Variants in PSMA3 observed in about 807,000 individuals in gnomAD.
PSMA3 encodes proteasome subunit alpha type-3.
In PSMA3, 8 loss-of-function variants were observed where a neutral mutation model predicts 40.0. That is an observed-to-expected ratio of 0.20 (90% confidence interval 0.12 to 0.36). PSMA3 has a LOEUF of 0.36. Among genes scored for constraint, PSMA3 ranks in the 10% least tolerant of loss-of-function variants. PSMA3 has a pLI of 1.00. For missense variants in PSMA3, 219 were observed against 310.6 expected, an observed-to-expected ratio of 0.70 and a Z score of 2.22; for synonymous variants, 110 against 100.0, an observed-to-expected ratio of 1.10 and a Z score of -0.59.
intron 8 of PSMA3, chr14:58,268,261 A>G (rs535730892): frequency 4.6e-5 from 7 of 152,328 alleles, no homozygotes; most frequent in African/African-American, 1.7e-4. Flanking sequence ...AGTTATGGAT[A>G]ATCGTAATTC....
rs547783553 is a variant in PSMA3, at chr14:58,267,938, A to G, written c.590+418A>G. On this transcript the variant is annotated intron_variant, in intron 8 of 10. Transcript: ENST00000216455. The stretch of plus-strand genomic sequence containing the variant: ...AGCTGGCTCATTTATATAATCTGCT[A>G]TTTATTTGGGAAAGATATGTTTCAC... The G allele has an allele frequency of 2.6e-5, 4 of 152,882 alleles. No individual in the cohort carries two copies. The East Asian group carries it at 7.7e-4, about 29-fold the overall frequency. 9.5% of individuals were successfully genotyped at this position (152,882 alleles called of 1,614,324 possible).
chr14:58,245,161 A>G (rs565656959), intron 1 of PSMA3: 3 of 586,054 alleles, frequency 5.1e-6, no homozygotes, highest in South Asian at 2.1e-5. Flanking sequence ...GCGCAGGTGT[A>G]GCCGGCTTGG....
At chr14:58,266,422 A>G (rs1302770751) in intron 7 of PSMA3, 1 of 152,212 alleles carries the variant, frequency 6.6e-6, no homozygotes, top group East Asian at 1.9e-4. Flanking sequence ...CAGTTTGCTC[A>G]AACATTGTTT....
intron 3 of PSMA3, among the ~76,000 whole-genome samples, chr14:58,256,656 C>T (rs1338210603): frequency 2.0e-5 from 3 of 151,212 alleles, no homozygotes; most frequent in Non-Finnish European, 2.9e-5. Context: ...TTGTGATCCA[C>T]CTGCCTCAGC....
At chr14:58,261,931 TTTTA>T (rs928133938) in intron 6 of PSMA3, among the ~76,000 whole-genome samples, 9 of 151,758 alleles carry the variant, frequency 5.9e-5, no homozygotes, top group Admixed American at 2.0e-4. Flanking sequence ...ATCCCTTTTA[TTTTA>T]TTTATTTATA....
chr14:58,246,872 T>C (rs770105967), intron 1 of PSMA3, among the ~76,000 whole-genome samples: 4 of 152,340 alleles, frequency 2.6e-5, no homozygotes, highest in Admixed American at 1.3e-4. Context: ...TTTAAAAATA[T>C]AGATGATACC....
chr14:58,265,499 C>T (rs1425497843), intron 7 of PSMA3: 2 of 152,144 alleles, frequency 1.3e-5, no homozygotes, highest in Non-Finnish European at 2.9e-5. Context: ...TACATTCAGT[C>T]CATGGCTGCT....
intron 8 of PSMA3, chr14:58,269,937 C>T (rs973771780): frequency 1.3e-5 from 2 of 153,602 alleles, no homozygotes; most frequent in Admixed American, 1.3e-4. Flanking sequence ...GCAACCCCTG[C>T]CTCCCGGGTT....
At chr14:58,267,554 T>TA (rs1363496432) in intron 8 of PSMA3, 34 bp downstream of exon 8, 1 of 1,556,536 alleles carries the variant, frequency 6.4e-7, no homozygotes, top group Non-Finnish European at 8.6e-7. Flanking sequence ...TCCACAAAAA[T>TA]ATTTCATTTG....
chr14:58,247,193 T>C (rs546351570), intron 1 of PSMA3, among the ~76,000 whole-genome samples: 1 of 152,350 alleles, frequency 6.6e-6, no homozygotes, highest in East Asian at 1.9e-4. Context: ...TCCCTGATGA[T>C]GTAGTCTGTA....
chr14:58,260,917 T>C, intron 5 of PSMA3, 31 bp from the exon 6 acceptor site: 1 of 1,477,974 alleles, frequency 6.8e-7, no homozygotes, highest in Non-Finnish European at 9.3e-7. Flanking sequence ...GTTATTGCCA[T>C]GGTTTAAGCT....
Position 58,263,865 on chromosome 14 carries a change from A to C in PSMA3, c.543+95A>C, listed in dbSNP as rs1018130970. The C allele has an allele frequency of 6.2e-6, 7 of 1,122,100 alleles. No individual in the cohort carries two copies. In the South Asian group the frequency reaches 9.1e-5, roughly 15 times the overall value. 69.5% of individuals were successfully genotyped at this position (1,122,100 alleles called of 1,614,324 possible). A position where few individuals can be genotyped will look rare whatever the true frequency, so the allele number is the denominator to read the frequency against. On this transcript the variant is annotated intron_variant, in intron 7 of 10. Transcript: ENST00000216455. ...TTTCAGTCTAAGGCAGGGATGTCCA[A>C]TCATTTGGCTTCCCTGGGCCACACA...
intron 6 of PSMA3, among the ~76,000 whole-genome samples, chr14:58,263,370 GTCTC>G (rs1043729756): frequency 2.0e-5 from 3 of 152,048 alleles, no homozygotes; most frequent in Non-Finnish European, 4.4e-5. Context: ...CTTTATTTCT[GTCTC>G]TCAGGAATAT....
intron 10 of PSMA3, 145 bp from the exon 11 acceptor site, chr14:58,271,706 G>A: frequency 3.1e-6 from 2 of 645,966 alleles, no homozygotes; most frequent in South Asian, 1.7e-5. Context: ...AACTTTGCTT[G>A]GGTATCTTAT....
At chr14:58,253,571 T>C (rs565835518) in intron 3 of PSMA3, among the ~76,000 whole-genome samples, 1 of 152,184 alleles carries the variant, frequency 6.6e-6, no homozygotes, top group South Asian at 2.1e-4. Context: ...GAACAGATTT[T>C]TTTATTTTGC....
chr14:58,245,181 A>C, intron 1 of PSMA3: 1 of 554,706 alleles, frequency 1.8e-6, no homozygotes. Context: ...GCGTCGCCGC[A>C]GTGAGGTTTG....
At chr14:58,250,496 C>T (rs1404840731) in intron 2 of PSMA3, among the ~76,000 whole-genome samples, 1 of 152,104 alleles carries the variant, frequency 6.6e-6, no homozygotes, top group East Asian at 1.9e-4. Context: ...AGTGAGGTAA[C>T]CAGTAGAGTA....
intron 2 of PSMA3, among the ~76,000 whole-genome samples, chr14:58,249,230 G>A (rs1889946819): frequency 6.6e-6 from 1 of 152,046 alleles, no homozygotes; most frequent in Non-Finnish European, 1.5e-5. Context: ...AAAGTGCTGG[G>A]ATTACAGGCA....
At chr14:58,256,417 T>A (rs1890145882) in intron 3 of PSMA3, among the ~76,000 whole-genome samples, 1 of 123,676 alleles carries the variant, frequency 8.1e-6, no homozygotes, top group Admixed American at 7.9e-5. Context: ...GAGCATTTCC[T>A]TTTTTTTTTT....
Sources: gnomAD v4.1 joint callset for allele counts (sites outside exome capture counted in the v4.1 genomes callset) on GRCh38, gnomAD v4.1.1 for gene constraint, MANE v1.5 for transcripts, NCBI Gene and HGNC (gene_info 2026-07-23, HGNC 2026-07-21) for gene names.